Variants in GRB14 observed in about 807,000 individuals in gnomAD.
GRB14 encodes growth factor receptor-bound protein 14.
Under a neutral mutation model 69.1 loss-of-function variants are expected in GRB14, and 38 were observed. That is an observed-to-expected ratio of 0.55 (90% CI 0.42 to 0.72). The LOEUF (loss-of-function observed/expected upper bound fraction) is 0.72, where lower values mean the gene tolerates loss of function less well. Ranked by LOEUF, GRB14 falls within the 30% of genes least tolerant of loss-of-function variation. The probability of loss-of-function intolerance (pLI) is 0.00; values close to 1 mark genes in which losing one functional copy is unlikely to be tolerated. For synonymous variants in GRB14, 247 were observed against 241.3 expected, an observed-to-expected ratio of 1.02 and a Z score of -0.22; for missense variants, 666 against 666.1, an observed-to-expected ratio of 1.00 and a Z score of 0.00.
chr2:164,595,740 G>T (rs1172051968), intron 2 of GRB14, among the ~76,000 whole-genome samples: 1 of 152,170 alleles, frequency 6.6e-6, no homozygotes, highest in East Asian at 1.9e-4. Flanking sequence ...AATAACAGAA[G>T]AAGAAGAGAC....
intron 6 of GRB14, among the ~76,000 whole-genome samples, chr2:164,517,040 G>T (rs1687509065): frequency 6.6e-6 from 1 of 152,052 alleles, no homozygotes; most frequent in Admixed American, 6.6e-5. Flanking sequence ...CTGTTTTCAT[G>T]CTGCTGATAA....
chr2:164,575,756 C>T (rs891543801), intron 2 of GRB14, among the ~76,000 whole-genome samples: 4 of 152,048 alleles, frequency 2.6e-5, no homozygotes, highest in Non-Finnish European at 4.4e-5. Context: ...TAAGAACTTT[C>T]CTACAGTTAC....
rs181769762 is a variant in GRB14, at chr2:164,619,583, C to T, written c.324+104G>A. ...AGTCAACAGAGTTATTTAACAGAGC[C>T]CATGCTAATCCTTTGTTAATACTGT... On this transcript the variant is annotated intron_variant, in intron 2 of 13. Transcript: ENST00000263915. The T allele has an allele frequency of 2.8e-4, 200 of 714,846 alleles. 2 individuals carry two copies. The highest frequency in any genetic ancestry group is 3.9e-5 in the Non-Finnish European group (17 of 430,450). The allele number at this position is 714,846 out of a possible 1,614,324, so 44.3% of individuals were successfully genotyped here.
chr2:164,603,139 G>GT (rs1217101379), intron 2 of GRB14, among the ~76,000 whole-genome samples: 1 of 152,126 alleles, frequency 6.6e-6, no homozygotes, highest in Non-Finnish European at 1.5e-5. Flanking sequence ...TCATGGAATG[G>GT]TTTTAGGAGT....
chr2:164,495,591 C>T (rs670396), intron 12 of GRB14, among the ~76,000 whole-genome samples: 54,538 of 151,974 alleles, frequency 0.36, 10,315 homozygotes, highest in East Asian at 0.61. Flanking sequence ...GTAAATACAC[C>T]GTGTAAATGA....
At chr2:164,514,500 T>G (rs1021672311) in intron 6 of GRB14, among the ~76,000 whole-genome samples, 1 of 151,760 alleles carries the variant, frequency 6.6e-6, no homozygotes, top group East Asian at 1.9e-4. Context: ...AAATTTAGAG[T>G]TGAGTGAAAT....
At position 164,587,862 on chromosome 2, in the gene GRB14, A is replaced by G. The variant is rs965259184; in HGVS notation, c.324+31825T>C. Among the ~76,000 whole-genome samples the G allele has an allele frequency of 2.0e-5, 3 of 152,318 alleles. 1 individual carries two copies. In the South Asian group the frequency reaches 6.2e-4, roughly 32 times the overall value. ...CTCACAGAAGTAAAACATCACATGA[A>G]AGACGGGGTGAAATGGCGTCACTGT... On this transcript the variant is annotated intron_variant, in intron 2 of 13. Coordinates refer to ENST00000263915, the MANE Select transcript of GRB14 (RefSeq NM_004490.3).
chr2:164,548,872 CTT>C (rs1233672538), intron 2 of GRB14, among the ~76,000 whole-genome samples: 1 of 151,892 alleles, frequency 6.6e-6, no homozygotes, highest in Non-Finnish European at 1.5e-5. Context: ...AGGCCCTTTG[CTT>C]TTTTTATTTT....
At chr2:164,560,319 C>T (rs939565824) in intron 2 of GRB14, among the ~76,000 whole-genome samples, 2 of 152,142 alleles carry the variant, frequency 1.3e-5, no homozygotes, top group Admixed American at 6.5e-5. Flanking sequence ...TATTTTTCTT[C>T]ATTTTGTTTT....
At chr2:164,535,413 T>C (rs1055762092) in intron 3 of GRB14, among the ~76,000 whole-genome samples, 1 of 152,192 alleles carries the variant, frequency 6.6e-6, no homozygotes, top group African/African-American at 2.4e-5. Context: ...CCTGTGACCT[T>C]CTGCCTGGAT....
intron 2 of GRB14, among the ~76,000 whole-genome samples, chr2:164,576,393 G>A (rs1689252301): frequency 6.6e-6 from 1 of 151,236 alleles, no homozygotes; most frequent in African/African-American, 2.4e-5. Flanking sequence ...TATCCCTTCT[G>A]TTTAAGAAAT....
At chr2:164,493,698 G>GGACATTGAT (rs1424929780) in intron 13 of GRB14, among the ~76,000 whole-genome samples, 1 of 151,730 alleles carries the variant, frequency 6.6e-6, no homozygotes, top group Non-Finnish European at 1.5e-5. Context: ...TATTTGCTGG[G>GGACATTGAT]GACATTGATC....
intron 2 of GRB14, among the ~76,000 whole-genome samples, chr2:164,610,620 TGAA>T (rs1416437055): frequency 1.3e-5 from 2 of 152,016 alleles, no homozygotes; most frequent in East Asian, 3.8e-4. Flanking sequence ...TCTAATTTAA[TGAA>T]GATGACTGAA....
intron 1 of GRB14, among the ~76,000 whole-genome samples, chr2:164,620,867 A>G (rs1260867984): frequency 1.3e-5 from 2 of 152,204 alleles, no homozygotes; most frequent in African/African-American, 4.8e-5. Flanking sequence ...CTGAGCTCCT[A>G]GTTTCACCAC....
chr2:164,510,661 CA>C (rs937138332), intron 6 of GRB14, among the ~76,000 whole-genome samples: 2 of 151,552 alleles, frequency 1.3e-5, no homozygotes, highest in Non-Finnish European at 2.9e-5. Context: ...ACATTTACAC[CA>C]AAAAAAAGCA....
chr2:164,584,953 T>G (rs1463625369), intron 2 of GRB14, among the ~76,000 whole-genome samples: 1 of 150,248 alleles, frequency 6.7e-6, no homozygotes, highest in Non-Finnish European at 1.5e-5. Flanking sequence ...GTTTTTGTGG[T>G]TTTTTTGAGA....
rs148268784 is a variant in GRB14, at chr2:164,503,442, C to CAAAAAA, written c.1024-1113_1024-1108dup. 1.5e-4 allele frequency among the ~76,000 whole-genome samples: 14 copies of CAAAAAA among 92,232 alleles called. 1 individual carries two copies. The East Asian group carries it at 3.4e-3, about 23-fold the overall frequency. 60.5% of individuals were successfully genotyped at this position (92,232 alleles called of 152,430 possible). On this transcript the variant is annotated intron_variant, in intron 8 of 13. Transcript: ENST00000263915. Reference sequence around the variant, plus strand: ...ACAATGGGTATATTTGGTAATTAGGCAAAAAAAAAAAAAAAAAAAAAAAAA... The same window carrying CAAAAAA: ...ACAATGGGTATATTTGGTAATTAGGCAAAAAAAAAAAAAAAAAAAAAAAAAAAAAAA...
chr2:164,574,567 G>A (rs1689205088), intron 2 of GRB14, among the ~76,000 whole-genome samples: 1 of 151,948 alleles, frequency 6.6e-6, no homozygotes, highest in Admixed American at 6.6e-5. Flanking sequence ...AGAAACATTA[G>A]ACAGAAAATG....
intron 2 of GRB14, among the ~76,000 whole-genome samples, chr2:164,594,006 A>G (rs887383772): frequency 6.6e-6 from 1 of 152,236 alleles, no homozygotes; most frequent in African/African-American, 2.4e-5. Context: ...TGATATTTAC[A>G]TAGTCATATT....
Sources: gnomAD v4.1 joint callset for allele counts (sites outside exome capture counted in the v4.1 genomes callset) on GRCh38, gnomAD v4.1.1 for gene constraint, MANE v1.5 for transcripts, NCBI Gene and HGNC (gene_info 2026-07-23, HGNC 2026-07-21) for gene names.